TSC22D1: variants seen among roughly 807,000 people sequenced by gnomAD.
The protein encoded by TSC22D1 is TSC22 domain family protein 1.
A neutral mutation model predicts 74.2 loss-of-function variants in TSC22D1; 9 were observed. The ratio of observed to expected loss-of-function variants is 0.12; its 90% CI spans 0.07 to 0.21. The LOEUF is 0.21. Among genes scored for constraint, TSC22D1 ranks in the 10% least tolerant of loss-of-function variants. TSC22D1 has a pLI of 1.00. For missense variants in TSC22D1, 1,427 were observed against 1,304.7 expected, an observed-to-expected ratio of 1.09 and a Z score of -1.44; for synonymous variants, 586 against 492.5, an observed-to-expected ratio of 1.19 and a Z score of -2.51.
At chr13:44,453,595 C>T (rs1409406801) in intron 1 of TSC22D1, among the ~76,000 whole-genome samples, 3 of 152,136 alleles carry the variant, frequency 2.0e-5, no homozygotes, top group African/African-American at 7.2e-5. Context: ...AATGGCAGAG[C>T]CAAGATCCAA....
At chr13:44,514,628 AG>A (rs1325459070) in intron 1 of TSC22D1, among the ~76,000 whole-genome samples, 1 of 152,156 alleles carries the variant, frequency 6.6e-6, no homozygotes, top group East Asian at 1.9e-4. Flanking sequence ...GGGAGGCCAA[AG>A]GGGGCAGAAC....
rs1294139234 is a variant in TSC22D1 at position 44,434,595 on chromosome 13, G to C, written c.*31C>G. On this transcript the variant is annotated 3_prime_UTR_variant, in exon 3 of 3. Coordinates refer to ENST00000458659, the MANE Select transcript of TSC22D1 (RefSeq NM_183422.4). Reference sequence around the variant, plus strand: ...TCTTCTCCGTCTGTTCAGTTCACACGCAGCAGCCAGTTCTGCGGGGGCATA... The same window carrying C: ...TCTTCTCCGTCTGTTCAGTTCACACCCAGCAGCCAGTTCTGCGGGGGCATA... 5 of 1,510,606 alleles carry C rather than the reference G, an allele frequency of 3.3e-6. No individual in the cohort carries two copies. In the African/African-American group the frequency reaches 5.6e-5, roughly 17 times the overall value. The allele number at this position is 1,510,606 out of a possible 1,614,324, so 93.6% of individuals were successfully genotyped here.
intron 1 of TSC22D1, among the ~76,000 whole-genome samples, chr13:44,571,582 A>G (rs969742919): frequency 3.9e-5 from 6 of 152,208 alleles, no homozygotes; most frequent in African/African-American, 1.4e-4. Context: ...TAGCATCCAC[A>G]TAATATAGCT....
chr13:44,551,020 T>C (rs951975774), intron 1 of TSC22D1, among the ~76,000 whole-genome samples: 1 of 149,658 alleles, frequency 6.7e-6, no homozygotes, highest in African/African-American at 2.5e-5. Flanking sequence ...GGTGGGAGGA[T>C]CACCTGAGCT....
intron 1 of TSC22D1, among the ~76,000 whole-genome samples, chr13:44,571,897 C>T (rs1337977266): frequency 6.6e-6 from 1 of 152,004 alleles, no homozygotes; most frequent in East Asian, 1.9e-4. Flanking sequence ...ACCTTTTAAA[C>T]AACTAAATAA....
At chr13:44,482,262 C>A (rs1878209933) in intron 1 of TSC22D1, among the ~76,000 whole-genome samples, 1 of 152,130 alleles carries the variant, frequency 6.6e-6, no homozygotes, top group Non-Finnish European at 1.5e-5. Context: ...TAGCCAGGTG[C>A]AGTGGCTCAC....
At chr13:44,532,503 T>G (rs1203213212) in intron 1 of TSC22D1, among the ~76,000 whole-genome samples, 1 of 152,156 alleles carries the variant, frequency 6.6e-6, no homozygotes, top group African/African-American at 2.4e-5. Context: ...AGACGGAGTC[T>G]TGCTCTGTCG....
At chr13:44,506,221 A>G (rs888748171) in intron 1 of TSC22D1, among the ~76,000 whole-genome samples, 1 of 152,196 alleles carries the variant, frequency 6.6e-6, no homozygotes, top group African/African-American at 2.4e-5. Flanking sequence ...AAATTTAAAT[A>G]TGGTCCCAGA....
intron 1 of TSC22D1, among the ~76,000 whole-genome samples, chr13:44,497,487 C>T (rs994880971): frequency 6.6e-6 from 1 of 152,146 alleles, no homozygotes; most frequent in Non-Finnish European, 1.5e-5. Flanking sequence ...GTACCAAATA[C>T]TATTGAATTA....
At chr13:44,440,957 G>A (rs970109892) in intron 1 of TSC22D1, among the ~76,000 whole-genome samples, 2 of 152,234 alleles carry the variant, frequency 1.3e-5, no homozygotes, top group African/African-American at 2.4e-5. Flanking sequence ...AAAATTCTGA[G>A]AGAAAAGAGT....
chr13:44,444,334 AC>A (rs1049855422), intron 1 of TSC22D1, among the ~76,000 whole-genome samples: 2 of 149,756 alleles, frequency 1.3e-5, no homozygotes, highest in African/African-American at 4.9e-5. Context: ...AGAAAAAAAA[AC>A]AATAATGACA....
At chr13:44,571,363 A>G (rs1366567898) in intron 1 of TSC22D1, among the ~76,000 whole-genome samples, 8 of 152,206 alleles carry the variant, frequency 5.3e-5, no homozygotes, top group Non-Finnish European at 1.2e-4. Context: ...TCCTATAGTT[A>G]AAACTCTAGT....
Position 44,500,414 on chromosome 13 carries a change from T to C in TSC22D1, c.2913-64319A>G, listed in dbSNP as rs78001129. 8.8e-4 allele frequency among the ~76,000 whole-genome samples: 134 copies of C among 152,322 alleles called. 2 individuals carry two copies. In the East Asian group the frequency reaches 0.025, roughly 28 times the overall value. On this transcript the variant is annotated intron_variant, in intron 1 of 2. Coordinates refer to ENST00000458659, the MANE Select transcript of TSC22D1 (RefSeq NM_183422.4). ...AAATTATTTCACAGCTGTTCAACAATCCTTGTGTTCATTCTTAGTTGACTA... is the reference window on the plus strand; with the variant it reads ...AAATTATTTCACAGCTGTTCAACAACCCTTGTGTTCATTCTTAGTTGACTA...
chr13:44,473,175 T>C (rs1199493530), intron 1 of TSC22D1, among the ~76,000 whole-genome samples: 4 of 152,156 alleles, frequency 2.6e-5, no homozygotes, highest in African/African-American at 9.7e-5. Flanking sequence ...TACCAATCAC[T>C]CAAGTATTTT....
intron 1 of TSC22D1, chr13:44,516,345 T>C: frequency 2.1e-6 from 1 of 468,592 alleles, no homozygotes. Flanking sequence ...CTGAAGAACC[T>C]GCTTTTTAAA....
Position 44,574,554 on chromosome 13 carries a change from C to CTGTTGTTGT in TSC22D1, c.1512_1520dup (p.Gln507_Gln509dup), listed in dbSNP as rs541782956. On this transcript the variant is annotated inframe_insertion, in exon 1 of 3. Coordinates refer to ENST00000458659, the MANE Select transcript of TSC22D1 (RefSeq NM_183422.4). ...TCACACCTTGGAGAGCTGGTTGTTG[C>CTGTTGTTGT]TGTTGTTGTTGTTGTTGCTGCTGCT... 4.3e-6 allele frequency: 7 copies of CTGTTGTTGT among 1,613,800 alleles called. No individual in the cohort carries two copies. The African/African-American group carries it at 8.0e-5, about 18-fold the overall frequency.
chr13:44,499,863 G>A (rs1476332928), intron 1 of TSC22D1, among the ~76,000 whole-genome samples: 1 of 151,890 alleles, frequency 6.6e-6, no homozygotes, highest in East Asian at 1.9e-4. Context: ...GAGGCAGGCG[G>A]GTCACCTGAA....
At position 44,510,430 on chromosome 13, in the gene TSC22D1, G is replaced by GC. The variant is rs556838350; in HGVS notation, c.2912+62732dup. On this transcript the variant is annotated intron_variant, in intron 1 of 2. Transcript: ENST00000458659. ...AAAAATGTTCATACTCTTCGGCCCT[G>GC]CAATTGCACTTCTGTGAATTAACTC... Among the ~76,000 whole-genome samples, 338 of 151,866 alleles carry GC rather than the reference G, an allele frequency of 2.2e-3. 2 individuals carry two copies. Among genetic ancestry groups the GC allele is most frequent in the Middle Eastern group, 6.8e-3 (2 of 292 alleles).
chr13:44,442,373 G>A (rs557028034), intron 1 of TSC22D1, among the ~76,000 whole-genome samples: 11 of 152,174 alleles, frequency 7.2e-5, no homozygotes, highest in African/African-American at 2.4e-4. Context: ...TTTATAGACA[G>A]GAACATTAAA....
Sources: gnomAD v4.1 joint callset for allele counts (sites outside exome capture counted in the v4.1 genomes callset) on GRCh38, gnomAD v4.1.1 for gene constraint, MANE v1.5 for transcripts, NCBI Gene and HGNC (gene_info 2026-07-23, HGNC 2026-07-21) for gene names.